NDUFA10: variants seen among roughly 807,000 people sequenced by gnomAD.
The protein encoded by NDUFA10 is NADH:ubiquinone oxidoreductase subunit A10.
A neutral mutation model predicts 47.8 loss-of-function variants in NDUFA10; 40 were observed. The observed-to-expected ratio is 0.84, with a 90% CI of 0.65 to 1.09. The LOEUF (loss-of-function observed/expected upper bound fraction) is 1.09, where lower values mean the gene tolerates loss of function less well. NDUFA10 is among the 50% of genes least tolerant of loss of function. NDUFA10 has a pLI of 0.00. For missense variants in NDUFA10, 413 were observed against 451.1 expected (o/e 0.92, Z 0.76); for synonymous variants, 183 against 172.2 (o/e 1.06, Z -0.49).
intron 4 of NDUFA10, among the ~76,000 whole-genome samples, chr2:239,939,272 T>A (rs1028369212): frequency 1.3e-5 from 2 of 152,232 alleles, no homozygotes. Flanking sequence ...TTCTGGACAC[T>A]TTCCAAAGAG....
At chr2:239,944,158 G>T (rs1403692237) in intron 4 of NDUFA10, among the ~76,000 whole-genome samples, 1 of 152,100 alleles carries the variant, frequency 6.6e-6, no homozygotes, top group Non-Finnish European at 1.5e-5. Flanking sequence ...CCTGAGAGGA[G>T]GCACATGACT....
chr2:239,991,705 T>C (rs1379954387), intron 8 of NDUFA10, among the ~76,000 whole-genome samples: 1 of 152,196 alleles, frequency 6.6e-6, no homozygotes, highest in Non-Finnish European at 1.5e-5. Flanking sequence ...AACACAAATA[T>C]AAGGATAATT....
At chr2:240,003,620 T>C (rs1472080449) in intron 8 of NDUFA10, among the ~76,000 whole-genome samples, 1 of 152,182 alleles carries the variant, frequency 6.6e-6, no homozygotes, top group African/African-American at 2.4e-5. Context: ...ATAATCAGAA[T>C]TATGATACAA....
chr2:240,008,729 A>G (rs1382590208), intron 6 of NDUFA10, among the ~76,000 whole-genome samples: 1 of 152,250 alleles, frequency 6.6e-6, no homozygotes, highest in Non-Finnish European at 1.5e-5. Flanking sequence ...CATTAGCTGA[A>G]GCCCCACCAG....
At chr2:239,919,560 A>G (rs951218487) in intron 4 of NDUFA10, among the ~76,000 whole-genome samples, 1 of 152,154 alleles carries the variant, frequency 6.6e-6, no homozygotes, top group Non-Finnish European at 1.5e-5. Flanking sequence ...AGGCTCATAC[A>G]GAAACAGATT....
intron 4 of NDUFA10, among the ~76,000 whole-genome samples, chr2:239,929,590 C>T (rs1167029166): frequency 2.0e-5 from 3 of 152,114 alleles, no homozygotes; most frequent in Admixed American, 6.5e-5. Flanking sequence ...TGCCCTGCTC[C>T]TCCGCCGGCC....
chr2:239,972,200 GATAA>G (rs1213406323), intron 9 of NDUFA10, among the ~76,000 whole-genome samples: 3 of 151,424 alleles, frequency 2.0e-5, no homozygotes, highest in Admixed American at 6.6e-5. Context: ...TAAATATATT[GATAA>G]ATATTATACA....
chr2:240,006,188 A>C (rs1049702378), intron 7 of NDUFA10, among the ~76,000 whole-genome samples: 5 of 152,352 alleles, frequency 3.3e-5, no homozygotes, highest in South Asian at 2.1e-4. Context: ...AAAACGTATT[A>C]TTCTTCTTCT....
chr2:239,971,115 A>T (rs1490914252), intron 9 of NDUFA10, among the ~76,000 whole-genome samples: 2 of 152,252 alleles, frequency 1.3e-5, no homozygotes, highest in African/African-American at 4.8e-5. Flanking sequence ...GTAATGAAAG[A>T]AGTGCCACAT....
In NDUFA10 at chr2:239,930,048, CCTCCGCTGCCCCTGCTT is replaced by C. The variant is rs1402398751; in HGVS notation, c.295-34751_295-34735del. ...GTCCTGCTCCTCCACTGCCCCTGCT[CCTCCGCTGCCCCTGCTT>C]CTCCACCGCCCCTGCTCCTCAGCCA... On this transcript the variant is annotated intron_variant, in intron 4 of 5. Transcript: ENST00000419408. Among the ~76,000 whole-genome samples, 59 of 75,774 alleles carry C rather than the reference CCTCCGCTGCCCCTGCTT, an allele frequency of 7.8e-4. 1 individual carries two copies. Among genetic ancestry groups the C allele is most frequent in the African/African-American group, 3.9e-3 (56 of 14,490 alleles). The allele number at this position is 75,774 out of a possible 152,430, so 49.7% of individuals were successfully genotyped here. A position where few individuals can be genotyped will look rare whatever the true frequency, so the allele number is the denominator to read the frequency against.
At chr2:239,893,523 G>A (rs1414938698) in intron 5 of NDUFA10, among the ~76,000 whole-genome samples, 2 of 152,198 alleles carry the variant, frequency 1.3e-5, no homozygotes, top group Non-Finnish European at 2.9e-5. Context: ...GGGTAGGTCT[G>A]GTGTCTGGTG....
At chr2:239,918,618 A>C (rs1046022604) in intron 4 of NDUFA10, among the ~76,000 whole-genome samples, 4 of 152,304 alleles carry the variant, frequency 2.6e-5, no homozygotes, top group African/African-American at 9.6e-5. Flanking sequence ...ACAGACCCTA[A>C]GAAAGCCCCC....
chr2:239,955,326 C>A (rs1694632385), downstream of NDUFA10, among the ~76,000 whole-genome samples: 1 of 152,162 alleles, frequency 6.6e-6, no homozygotes, highest in Non-Finnish European at 1.5e-5. Flanking sequence ...GTCGCATGAC[C>A]AATGCCGGCA....
chr2:239,899,447 TTGTGATGGAGGGGTGTGACGGAGGGG>T (rs1259112133), intron 4 of NDUFA10, among the ~76,000 whole-genome samples: 18 of 37,780 alleles, frequency 4.8e-4, no homozygotes, highest in East Asian at 1.0e-3. Flanking sequence ...ATGTGGAGGG[TTGTGATGGAGGGGTGTGACGGAGGGG>T]TGTGATGGAG....
At chr2:239,979,342 C>G (rs892040706) in intron 9 of NDUFA10, among the ~76,000 whole-genome samples, 39 of 152,090 alleles carry the variant, frequency 2.6e-4, no homozygotes, top group Middle Eastern at 3.4e-3. Flanking sequence ...GGCTCCACCC[C>G]TCTCCTCCAG....
intron 4 of NDUFA10, among the ~76,000 whole-genome samples, chr2:239,913,380 A>G (rs1234543756): frequency 1.3e-5 from 2 of 152,236 alleles, no homozygotes; most frequent in Middle Eastern, 3.2e-3. Context: ...ACCTGAGGAC[A>G]TGACGGGTCC....
At chr2:240,001,062 C>T (rs532125837) in intron 8 of NDUFA10, among the ~76,000 whole-genome samples, 33 of 152,236 alleles carry the variant, frequency 2.2e-4, no homozygotes, top group African/African-American at 3.1e-4. Context: ...AGCTCTCCCA[C>T]CAAGGGGCAG....
rs886055820 is a variant in NDUFA10, at chr2:239,959,234, C to G, written c.*1884G>C. The G allele has an allele frequency of 1.0e-6, 1 of 985,332 alleles. No homozygotes were observed. Among genetic ancestry groups the G allele is most frequent in the East Asian group, 1.1e-4 (1 of 8,824 alleles). The allele number at this position is 985,332 out of a possible 1,614,324, so 61.0% of individuals were successfully genotyped here. A position where few individuals can be genotyped will look rare whatever the true frequency, so the allele number is the denominator to read the frequency against. ...ATGATCAGAGCACCCGAGTCCACAC[C>G]ATGCCGACACGGAGCCCTGCATGGT... On this transcript the variant is annotated 3_prime_UTR_variant, in exon 10 of 10. Transcript: ENST00000252711.
Position 239,906,741 on chromosome 2 carries a change from G to A in NDUFA10, c.295-11427C>T, listed in dbSNP as rs576278707. Among the ~76,000 whole-genome samples, 41 of 152,170 alleles carry A rather than the reference G, an allele frequency of 2.7e-4. No individual in the cohort carries two copies. Among genetic ancestry groups the A allele is most frequent in the Non-Finnish European group, 5.0e-4 (34 of 68,010 alleles). ...TCTTCAAGGAGTACTACAAACCACC[G>A]CTCAATGAAATAAAAGAGGACACAA... On this transcript the variant is annotated intron_variant, in intron 4 of 5. Coordinates refer to the NDUFA10 transcript ENST00000419408. This position sits in a 1 kb window ranked among gnomAD's most constrained non-coding sequence, Gnocchi z 4.3.
Sources: allele counts gnomAD v4.1 joint callset (sites outside exome capture counted in the v4.1 genomes callset), GRCh38; gene constraint gnomAD v4.1.1; non-coding constraint Gnocchi (gnomAD v3.1); transcripts MANE v1.5; gene names NCBI Gene and HGNC (gene_info 2026-07-23, HGNC 2026-07-21).